The following PDGFRL variants were observed in gnomAD, a reference collection of about 807,000 sequenced individuals.
The protein encoded by PDGFRL is platelet derived growth factor receptor like.
A neutral mutation model predicts 37.2 loss-of-function variants in PDGFRL; 46 were observed. That is an observed-to-expected ratio of 1.24 (90% CI 0.98 to 1.58). The LOEUF is 1.58. PDGFRL is among the 40% of genes most tolerant of loss of function. The pLI is 0.00. For synonymous variants in PDGFRL, 251 were observed against 184.3 expected (o/e 1.36, Z -2.93); for missense variants, 692 against 467.6 (o/e 1.48, Z -4.43).
At chr8:17,607,028 T>C (rs1804296412) in intron 2 of PDGFRL, among the ~76,000 whole-genome samples, 1 of 151,740 alleles carries the variant, frequency 6.6e-6, no homozygotes, top group African/African-American at 2.4e-5. Context: ...CCTGAGTAGC[T>C]GGGATTACAG....
chr8:17,623,747 A>G (rs931295532), intron 3 of PDGFRL, among the ~76,000 whole-genome samples: 14 of 151,998 alleles, frequency 9.2e-5, no homozygotes, highest in African/African-American at 3.1e-4. Flanking sequence ...GGTGGTGCAC[A>G]GTTGTGCTCC....
chr8:17,592,916 GCACACACA>G (rs140137425), intron 2 of PDGFRL, among the ~76,000 whole-genome samples: 122 of 29,576 alleles, frequency 4.1e-3, no homozygotes, highest in Middle Eastern at 0.042. Flanking sequence ...CCACATACAT[GCACACACA>G]CACACACACA....
At chr8:17,624,663 C>G (rs1804697701) in intron 3 of PDGFRL, among the ~76,000 whole-genome samples, 1 of 152,198 alleles carries the variant, frequency 6.6e-6, no homozygotes. Context: ...TCCCCTAGCA[C>G]TTTGGGAAGC....
intron 3 of PDGFRL, 117 bp from the exon 4 acceptor site, chr8:17,628,370 C>T: frequency 1.4e-6 from 1 of 719,420 alleles, no homozygotes. Flanking sequence ...AAAAAGAAAA[C>T]CCGGCCTTTC....
At chr8:17,586,409 T>C (rs1434542625) in intron 1 of PDGFRL, among the ~76,000 whole-genome samples, 1 of 152,144 alleles carries the variant, frequency 6.6e-6, no homozygotes, top group Non-Finnish European at 1.5e-5. Context: ...AAGAATCTCA[T>C]GGTGCATGAG....
At chr8:17,634,392 A>G (rs2129829792) in intron 5 of PDGFRL, among the ~76,000 whole-genome samples, 179 bp downstream of exon 5, 2 of 151,966 alleles carry the variant, frequency 1.3e-5, no homozygotes, top group East Asian at 1.9e-4. Flanking sequence ...ATGTTTCGGT[A>G]TATTTAAAAA....
intron 1 of PDGFRL, among the ~76,000 whole-genome samples, chr8:17,580,958 C>CAT (rs556198561): frequency 6.7e-6 from 1 of 148,544 alleles, no homozygotes; most frequent in Non-Finnish European, 1.5e-5. Context: ...CATTTTCATA[C>CAT]GTGTGTGTGT....
Position 17,628,650 on chromosome 8 carries a change from T to C in PDGFRL, c.669T>C (p.Ile223=), listed in dbSNP as rs1231885850. ...AKEIPANGTD[I]VYDMKRGFVY... Reference sequence around the variant, plus strand: ...AGATCCCAGCCAATGGAACGGACATTGTTTATGACATGAAGCGGGGCTTTG... The same window carrying C: ...AGATCCCAGCCAATGGAACGGACATCGTTTATGACATGAAGCGGGGCTTTG... Residue 223 remains isoleucine (I), a synonymous_variant, in exon 4 of 6, where the codon ATT becomes ATC. Transcript: ENST00000251630. 3 of 1,614,166 alleles carry C rather than the reference T, an allele frequency of 1.9e-6. No individual in the cohort carries two copies. Among genetic ancestry groups the C allele is most frequent in the East Asian group, 2.2e-5 (1 of 44,862 alleles).
Position 17,628,745 on chromosome 8 carries a change from A to AGATCTCC in PDGFRL, c.766_772dup (p.Val258AspfsTer60). ...AGGGCGGAGGCCGGGGGCAGATCTC[A>AGATCTCC]GATCTCCGTCAAGTACCAGCTGCTC... On this transcript the variant is annotated frameshift_variant, in exon 4 of 6. Transcript: ENST00000251630. LOFTEE classifies it high-confidence loss of function. The AGATCTCC allele has an allele frequency of 6.2e-7, 1 of 1,614,090 alleles. No homozygotes were observed. The highest frequency in any genetic ancestry group is 2.2e-5 in the East Asian group (1 of 44,870).
chr8:17,634,369 G>GT (rs146512842), intron 5 of PDGFRL, among the ~76,000 whole-genome samples, 156 bp downstream of exon 5: 9,490 of 151,682 alleles, frequency 0.063, 582 homozygotes, highest in African/African-American at 0.17. Context: ...GGTATTGTTT[G>GT]TTTTTTTTGA....
intron 1 of PDGFRL, among the ~76,000 whole-genome samples, chr8:17,584,784 C>T (rs1222292299): frequency 1.3e-5 from 2 of 151,150 alleles, no homozygotes; most frequent in South Asian, 2.1e-4. Context: ...CTGATCCAGA[C>T]CGCAAGAAAA....
intron 4 of PDGFRL, among the ~76,000 whole-genome samples, chr8:17,630,183 A>G (rs1026045880): frequency 2.0e-5 from 3 of 151,948 alleles, no homozygotes; most frequent in Admixed American, 6.6e-5. Context: ...GTTTTCCCCA[A>G]TGTGCACAGA....
intron 2 of PDGFRL, among the ~76,000 whole-genome samples, chr8:17,592,936 AC>A (rs1563508766): frequency 1.4e-5 from 2 of 147,438 alleles, no homozygotes; most frequent in East Asian, 1.9e-4. Context: ...ACACACACAC[AC>A]ACACACACAC....
chr8:17,598,881 C>G (rs752100651), intron 2 of PDGFRL, among the ~76,000 whole-genome samples: 1 of 152,180 alleles, frequency 6.6e-6, no homozygotes, highest in Non-Finnish European at 1.5e-5. Flanking sequence ...CTCATTCTCT[C>G]TTGCCAGCTA....
intron 1 of PDGFRL, among the ~76,000 whole-genome samples, chr8:17,584,448 G>A (rs1024444257): frequency 6.6e-6 from 1 of 152,182 alleles, no homozygotes; most frequent in East Asian, 1.9e-4. Flanking sequence ...ATGCTGCAGG[G>A]GTCACGGGAT....
intron 4 of PDGFRL, among the ~76,000 whole-genome samples, chr8:17,629,495 T>C (rs1804816380): frequency 6.6e-6 from 1 of 152,140 alleles, no homozygotes; most frequent in African/African-American, 2.4e-5. Context: ...CTGGCATCCT[T>C]CTTGTACCCA....
chr8:17,608,250 T>A (rs2720482), intron 2 of PDGFRL, among the ~76,000 whole-genome samples: 150,875 of 152,278 alleles, frequency 0.99, 74,754 homozygotes, highest in Middle Eastern at 1. Context: ...ACTGCCTAGA[T>A]CCCAGATGAG....
At chr8:17,607,432 C>G (rs564820340) in intron 2 of PDGFRL, among the ~76,000 whole-genome samples, 12 of 152,280 alleles carry the variant, frequency 7.9e-5, no homozygotes, top group African/African-American at 2.6e-4. Context: ...AAGTTTCTTT[C>G]AACAAAACAT....
chr8:17,590,763 T>C (rs1803919723), intron 2 of PDGFRL, among the ~76,000 whole-genome samples: 1 of 152,134 alleles, frequency 6.6e-6, no homozygotes, highest in Non-Finnish European at 1.5e-5. Context: ...CAATGTTTTA[T>C]GTTGTTTTTT....
Sources: allele counts gnomAD v4.1 joint callset (sites outside exome capture counted in the v4.1 genomes callset), GRCh38; gene constraint gnomAD v4.1.1; transcripts MANE v1.5; gene names NCBI Gene and HGNC (gene_info 2026-07-23, HGNC 2026-07-21).